Variants in FMN2 observed in about 807,000 individuals in gnomAD.
FMN2 encodes formin-2.
FMN2 carries 51 observed loss-of-function variants against 142.3 expected under a neutral mutation model. That is an observed-to-expected ratio of 0.36 (90% CI 0.29 to 0.45). FMN2 has a LOEUF of 0.45. Among genes scored for constraint, FMN2 ranks in the 20% least tolerant of loss-of-function variants. FMN2 has a pLI of 1.00. For synonymous variants in FMN2, 882 were observed against 869.8 expected (o/e 1.01, Z -0.25); for missense variants, 1,936 against 2,122.8 (o/e 0.91, Z 1.73).
At chr1:240,152,319 G>T (rs1304704875) in intron 2 of FMN2, among the ~76,000 whole-genome samples, 1 of 143,550 alleles carries the variant, frequency 7.0e-6, no homozygotes, top group East Asian at 2.1e-4. Flanking sequence ...AAAAAAAAAA[G>T]AAAAAGCCTT....
intron 1 of FMN2, among the ~76,000 whole-genome samples, chr1:240,108,071 G>A (rs748687578): frequency 1.3e-5 from 2 of 152,134 alleles, no homozygotes; most frequent in African/African-American, 2.4e-5. Flanking sequence ...AATCAAAGGT[G>A]TACCTGGATT....
chr1:240,405,905 T>C (rs1674136220), intron 15 of FMN2, among the ~76,000 whole-genome samples: 2 of 152,156 alleles, frequency 1.3e-5, no homozygotes, highest in African/African-American at 4.8e-5. Context: ...AAAGGATCAA[T>C]TCAATTACAT....
intron 2 of FMN2, chr1:240,143,009 C>T (rs879100677): frequency 6.5e-7 from 1 of 1,530,986 alleles, no homozygotes; most frequent in Non-Finnish European, 9.0e-7. Flanking sequence ...CGGTGAGCAG[C>T]CCAGCCATGG....
chr1:240,093,001 GGCC>G lies in FMN2; in HGVS notation c.893_895del (p.Gly298_Leu299delinsVal). 1 of 1,398,950 alleles carries G rather than the reference GGCC, an allele frequency of 7.1e-7. No homozygotes were observed. The highest frequency in any genetic ancestry group is 2.2e-4 in the Middle Eastern group (1 of 4,578). The allele number at this position is 1,398,950 out of a possible 1,614,324, so 86.7% of individuals were successfully genotyped here. A position where few individuals can be genotyped will look rare whatever the true frequency, so the allele number is the denominator to read the frequency against. On this transcript the variant is annotated inframe_deletion, in exon 1 of 18. Transcript: ENST00000319653. ...GCCCCAGCAACCGCCGTCCCCCGGC[GGCC>G]TCCCGGTCTCCGAGGCGCCCAGTCT...
chr1:240,297,898 C>G (rs2102967380), intron 8 of FMN2, among the ~76,000 whole-genome samples: 1 of 152,264 alleles, frequency 6.6e-6, no homozygotes, highest in African/African-American at 2.4e-5. Context: ...GGTTCACAGA[C>G]TGCGGTGTTC....
intron 13 of FMN2, among the ~76,000 whole-genome samples, chr1:240,341,665 CCTT>C (rs1260006752): frequency 7.2e-5 from 11 of 152,126 alleles, no homozygotes; most frequent in African/African-American, 2.7e-4. Context: ...TCCCTGACTC[CCTT>C]CTTCTGACCC....
chr1:240,316,783 A>T (rs1670796568), intron 8 of FMN2, among the ~76,000 whole-genome samples: 1 of 152,190 alleles, frequency 6.6e-6, no homozygotes, highest in Admixed American at 6.5e-5. Flanking sequence ...CTTTGTAAAA[A>T]TAGTACACTG....
At chr1:240,325,343 C>CA (rs5782134) in intron 8 of FMN2, among the ~76,000 whole-genome samples, 11,818 of 107,938 alleles carry the variant, frequency 0.11, 808 homozygotes, top group African/African-American at 0.16. Flanking sequence ...ACCCTGTCTC[C>CA]AAAAAAAAAA....
intron 13 of FMN2, chr1:240,341,264 G>C (rs556294640): frequency 6.6e-6 from 1 of 151,854 alleles, no homozygotes; most frequent in Non-Finnish European, 1.5e-5. Context: ...ATTGATATTT[G>C]TAAAAATATA....
intron 4 of FMN2, among the ~76,000 whole-genome samples, chr1:240,189,403 A>C (rs569424172): frequency 6.6e-6 from 1 of 152,302 alleles, no homozygotes; most frequent in African/African-American, 2.4e-5. Flanking sequence ...ACCCGGATCT[A>C]TTTCTGATTA....
At chr1:240,198,245 A>G (rs1440587840) in intron 4 of FMN2, among the ~76,000 whole-genome samples, 3 of 152,218 alleles carry the variant, frequency 2.0e-5, no homozygotes, top group Non-Finnish European at 4.4e-5. Flanking sequence ...AGCAGGAACC[A>G]AAAAGGCTGG....
chr1:240,231,829 G>A (rs909007174), intron 6 of FMN2, among the ~76,000 whole-genome samples: 3 of 152,162 alleles, frequency 2.0e-5, no homozygotes, highest in Non-Finnish European at 4.4e-5. Context: ...AAGTCCTCTT[G>A]TCACATCTAT....
chr1:240,136,096 A>G lies in FMN2; in HGVS notation c.1782+12751A>G, dbSNP rs1003377062. ...CCAAGTTTTTATACATATGTGTTTA[A>G]GCATATGTATTTTTAAGCATAGTTG... On this transcript the variant is annotated intron_variant, in intron 2 of 17. Transcript: ENST00000319653. Among the ~76,000 whole-genome samples, 3 of 152,134 alleles carry G rather than the reference A, an allele frequency of 2.0e-5. No homozygotes were observed. The South Asian group carries it at 6.2e-4, about 32-fold the overall frequency.
At chr1:240,427,302 T>A (rs1251120797) in intron 15 of FMN2, among the ~76,000 whole-genome samples, 2 of 151,654 alleles carry the variant, frequency 1.3e-5, no homozygotes, top group African/African-American at 4.8e-5. Flanking sequence ...GCCTCCTGGG[T>A]TCACGCCATT....
intron 15 of FMN2, among the ~76,000 whole-genome samples, chr1:240,423,050 TG>T (rs1674827643): frequency 2.6e-5 from 4 of 152,202 alleles, no homozygotes; most frequent in Admixed American, 6.5e-5. Flanking sequence ...ATAAAAGAAA[TG>T]CCAGTTTATC....
chr1:240,266,034 TA>T (rs747536768), intron 7 of FMN2, among the ~76,000 whole-genome samples: 8 of 150,984 alleles, frequency 5.3e-5, no homozygotes, highest in Non-Finnish European at 8.9e-5. Context: ...TTTTTTTTTT[TA>T]ATAAATCAAC....
intron 14 of FMN2, among the ~76,000 whole-genome samples, chr1:240,363,318 T>C (rs780569680): frequency 6.6e-6 from 1 of 152,244 alleles, no homozygotes; most frequent in Non-Finnish European, 1.5e-5. Context: ...AGAAGCAAAT[T>C]GTCTTTTAAG....
intron 15 of FMN2, among the ~76,000 whole-genome samples, chr1:240,425,202 G>A (rs9660010): frequency 0.058 from 1,959 of 33,716 alleles, 58 homozygotes; most frequent in African/African-American, 0.1. Context: ...ATTTGAATGA[G>A]GTGAGAGAGA....
At chr1:240,221,723 A>G (rs1667122327) in intron 6 of FMN2, among the ~76,000 whole-genome samples, 4 of 151,888 alleles carry the variant, frequency 2.6e-5, no homozygotes. Flanking sequence ...TGCTGTGCAG[A>G]TGCTCTTTAA....
Sources: gnomAD v4.1 joint callset for allele counts (sites outside exome capture counted in the v4.1 genomes callset) on GRCh38, gnomAD v4.1.1 for gene constraint, MANE v1.5 for transcripts, NCBI Gene and HGNC (gene_info 2026-07-23, HGNC 2026-07-21) for gene names.